The following PRKCE variants were observed in gnomAD, a reference collection of about 807,000 sequenced individuals.
PRKCE encodes the protein protein kinase C epsilon, also known as protein kinase C epsilon type.
A neutral mutation model predicts 85.4 loss-of-function variants in PRKCE; 16 were observed. That is an observed-to-expected ratio of 0.19 (90% CI 0.13 to 0.28). The LOEUF (loss-of-function observed/expected upper bound fraction) is 0.28. Among genes scored for constraint, PRKCE ranks in the 10% least tolerant of loss-of-function variants. The probability of loss-of-function intolerance (pLI) is 1.00; values close to 1 mark genes in which losing one functional copy is unlikely to be tolerated. For missense variants in PRKCE, 573 were observed against 975.2 expected (o/e 0.59, Z 5.49); for synonymous variants, 388 against 371.5 (o/e 1.04, Z -0.51).
intron 6 of PRKCE, among the ~76,000 whole-genome samples, chr2:45,985,922 T>A (rs1703288212): frequency 6.6e-6 from 1 of 152,200 alleles, no homozygotes; most frequent in Admixed American, 6.5e-5. Flanking sequence ...TAGATGTGGG[T>A]TTTGTCAGGA....
At position 46,071,277 on chromosome 2, in the gene PRKCE, T is replaced by C. The variant is rs72877707; in HGVS notation, c.1438-14931T>C. 3.0e-3 allele frequency among the ~76,000 whole-genome samples: 458 copies of C among 152,370 alleles called. 3 individuals carry two copies. The highest frequency in any genetic ancestry group is 0.01 in the African/African-American group (422 of 41,590). On this transcript the variant is annotated intron_variant, in intron 10 of 14. Transcript: ENST00000306156. ...TTTGAAGTCCTCTATAAATATGTAC[T>C]AGTCAGCTGATTTGAAATTTGTTTA...
intron 10 of PRKCE, among the ~76,000 whole-genome samples, chr2:46,026,878 G>A (rs907108854): frequency 3.3e-5 from 5 of 152,186 alleles, no homozygotes; most frequent in Admixed American, 6.5e-5. Context: ...GAAACACATG[G>A]GTGATGAAAC....
At chr2:45,985,783 G>A (rs893732982) in intron 6 of PRKCE, among the ~76,000 whole-genome samples, 7 of 152,204 alleles carry the variant, frequency 4.6e-5, no homozygotes, top group Non-Finnish European at 7.3e-5. Flanking sequence ...GGAGGATAAG[G>A]TTGGAGGTAG....
At position 45,907,641 on chromosome 2, in the gene PRKCE, G is replaced by A. The variant is rs1469296341; in HGVS notation, c.412+64578G>A. 2.0e-5 allele frequency among the ~76,000 whole-genome samples: 3 copies of A among 152,174 alleles called. No individual in the cohort carries two copies. The highest frequency in any genetic ancestry group is 7.2e-5 in the African/African-American group (3 of 41,442). On this transcript the variant is annotated intron_variant, in intron 2 of 14. Coordinates refer to ENST00000306156, the MANE Select transcript of PRKCE (RefSeq NM_005400.3). This position sits in a 1 kb window ranked among gnomAD's most constrained non-coding sequence, Gnocchi z 4.5. ...CATCGTGGTCCGCATTCTATGGACT[G>A]TTCTGTCCAGGGAGAAGGAGCATGA...
intron 10 of PRKCE, among the ~76,000 whole-genome samples, chr2:46,051,749 C>A (rs997547769): frequency 1.3e-5 from 2 of 152,158 alleles, no homozygotes; most frequent in African/African-American, 4.8e-5. Context: ...GTTCTCACAC[C>A]GCTATAAAGA....
chr2:46,028,819 C>T (rs997597881), intron 10 of PRKCE, among the ~76,000 whole-genome samples: 9 of 152,158 alleles, frequency 5.9e-5, no homozygotes, highest in Non-Finnish European at 1.0e-4. Flanking sequence ...CCCTCCTCCC[C>T]ACTCCCACAG....
chr2:46,153,253 G>A (rs1392313118), intron 13 of PRKCE, among the ~76,000 whole-genome samples: 1 of 152,138 alleles, frequency 6.6e-6, no homozygotes, highest in Non-Finnish European at 1.5e-5. Context: ...GGCAAATAGA[G>A]TATGTTCATT....
rs1475544132 is a variant in PRKCE at position 46,185,741 on chromosome 2, A to C, written c.*860A>C. 1 of 152,196 alleles carries C rather than the reference A, an allele frequency of 6.6e-6. No homozygotes were observed. The highest frequency in any genetic ancestry group is 1.5e-5 in the Non-Finnish European group (1 of 68,042). The allele number at this position is 152,196 out of a possible 1,614,324, so 9.4% of individuals were successfully genotyped here. On this transcript the variant is annotated 3_prime_UTR_variant, in exon 15 of 15. Transcript: ENST00000306156. The surrounding 1 kb of genome is among the most constrained non-coding windows in gnomAD (Gnocchi z 4.7). ...ACATGAGAGCTGTATGAATTGAGAG[A>C]AAAGGCAACAAGTAGCATTCTTCAT...
chr2:46,177,185 G>T (rs1192603010), intron 14 of PRKCE, among the ~76,000 whole-genome samples: 2 of 152,206 alleles, frequency 1.3e-5, no homozygotes, highest in African/African-American at 2.4e-5. Context: ...GAAGGCTGAG[G>T]TGGGAGGATC....
At chr2:45,677,331 GT>G (rs1553375032) in intron 1 of PRKCE, among the ~76,000 whole-genome samples, 4 of 108,574 alleles carry the variant, frequency 3.7e-5, no homozygotes, top group South Asian at 3.2e-4. Flanking sequence ...TTTTTTTTTT[GT>G]TTTTTTTTTT....
At position 45,962,818 on chromosome 2, in the gene PRKCE, T is replaced by C. The variant is rs983274275; in HGVS notation, c.413-13611T>C. ...GCTGTGTGCATGTGCGTGTCAGAGC[T>C]CCTGAGCCCTGAAGGAGCATGAGTT... On this transcript the variant is annotated intron_variant, in intron 2 of 14. Transcript: ENST00000306156. Among the ~76,000 whole-genome samples the C allele has an allele frequency of 2.6e-5, 4 of 152,124 alleles. No homozygotes were observed. In the South Asian group the frequency reaches 8.3e-4, roughly 32 times the overall value.
rs530699459 is a variant in PRKCE, at chr2:45,777,313, T to A, written c.349-65687T>A. Among the ~76,000 whole-genome samples, 9 of 152,206 alleles carry A rather than the reference T, an allele frequency of 5.9e-5. No homozygotes were observed. In the East Asian group the frequency reaches 1.7e-3, roughly 29 times the overall value. On this transcript the variant is annotated intron_variant, in intron 1 of 14. Transcript: ENST00000306156. ...GGCCGAGTCAGCACCTTGGTCCCCC[T>A]TCCTTTATATTCATGTACCAGCTTG... is the stretch of plus-strand genomic sequence containing the variant.
intron 1 of PRKCE, among the ~76,000 whole-genome samples, chr2:45,799,847 G>T (rs936149922): frequency 1.3e-5 from 2 of 152,200 alleles, no homozygotes; most frequent in Admixed American, 6.5e-5. Context: ...CTAGGGTCAG[G>T]GTTTTCCAGC....
At chr2:45,663,807 C>T (rs952762226) in intron 1 of PRKCE, among the ~76,000 whole-genome samples, 1 of 151,802 alleles carries the variant, frequency 6.6e-6, no homozygotes, top group Admixed American at 6.6e-5. Context: ...AAATGTTGGA[C>T]AGGCAGTTTT....
intron 2 of PRKCE, among the ~76,000 whole-genome samples, chr2:45,850,022 A>T (rs891372867): frequency 6.6e-6 from 1 of 152,224 alleles, no homozygotes; most frequent in African/African-American, 2.4e-5. Context: ...GATGAGACAT[A>T]AGCCAAGAAA....
intron 2 of PRKCE, among the ~76,000 whole-genome samples, chr2:45,857,443 A>G (rs1177978206): frequency 6.6e-6 from 1 of 152,256 alleles, no homozygotes; most frequent in African/African-American, 2.4e-5. Context: ...AAGTTCTGGA[A>G]GGGCCCAGCT....
chr2:45,690,465 C>T (rs899115658), intron 1 of PRKCE, among the ~76,000 whole-genome samples: 1 of 152,228 alleles, frequency 6.6e-6, no homozygotes, highest in African/African-American at 2.4e-5. Flanking sequence ...CATTTATTCA[C>T]AGTGGAGACA....
chr2:45,670,351 G>A (rs1343229769), intron 1 of PRKCE, among the ~76,000 whole-genome samples: 3 of 152,280 alleles, frequency 2.0e-5, no homozygotes, highest in African/African-American at 7.2e-5. Flanking sequence ...TAGGCTATTG[G>A]TTTTCAAACT....
At chr2:45,869,026 T>C (rs1370279699) in intron 2 of PRKCE, among the ~76,000 whole-genome samples, 1 of 151,518 alleles carries the variant, frequency 6.6e-6, no homozygotes, top group Admixed American at 6.6e-5. Context: ...TTTCCAGCTG[T>C]GTGGTTTAAG....
Sources: gnomAD v4.1 joint callset for allele counts (sites outside exome capture counted in the v4.1 genomes callset) on GRCh38, gnomAD v4.1.1 for gene constraint, Gnocchi (gnomAD v3.1) non-coding constraint, MANE v1.5 for transcripts, NCBI Gene and HGNC (gene_info 2026-07-23, HGNC 2026-07-21) for gene names.